Variants in FUZ observed in about 807,000 individuals in gnomAD.
FUZ encodes the protein fuzzy planar cell polarity protein.
A neutral mutation model predicts 43.1 loss-of-function variants in FUZ; 31 were observed. That is an observed-to-expected ratio of 0.72 (90% CI 0.54 to 0.97). The LOEUF is 0.97. FUZ is among the 50% of genes least tolerant of loss of function. The pLI is 0.00. For missense variants in FUZ, 539 were observed against 543.8 expected (o/e 0.99, Z 0.09); for synonymous variants, 274 against 250.0 (o/e 1.10, Z -0.91).
In FUZ at chr19:49,812,638, C is replaced by G; in HGVS notation, c.210G>C (p.Val70=). Residue 70 remains valine (V), a synonymous_variant, in exon 2 of 11, where the codon GTG becomes GTC. Coordinates refer to ENST00000313777, the MANE Select transcript of FUZ (RefSeq NM_025129.5). The part of the protein sequence containing the change: ...LSSARTENTT[V]VWKSFHDSIT... ...ACCTGTCATGGAAGCTTTTCCACAC[C>G]ACAGTCGTGTTCTCGGTCCTCGCAG... The G allele has an allele frequency of 6.2e-7, 1 of 1,614,152 alleles. No homozygotes were observed. Among genetic ancestry groups the G allele is most frequent in the Non-Finnish European group, 8.5e-7 (1 of 1,180,034 alleles).
rs2123802452 is a variant in FUZ at position 49,809,027 on chromosome 19, G to C, written c.786+136C>G. ...AGGCGGGAGCGGCCGATCTTGGCGG[G>C]TAGGTGAATGACTGGAGCGCAGTCC... On this transcript the variant is annotated intron_variant, in intron 7 of 10. Coordinates refer to ENST00000313777, the MANE Select transcript of FUZ (RefSeq NM_025129.5). The surrounding 1 kb of genome is among the most constrained non-coding windows in gnomAD (Gnocchi z 5.1). 1 of 964,056 alleles carries C rather than the reference G, an allele frequency of 1.0e-6. No individual in the cohort carries two copies. The highest frequency in any genetic ancestry group is 2.8e-4 in the Middle Eastern group (1 of 3,552). 59.7% of individuals were successfully genotyped at this position (964,056 alleles called of 1,614,324 possible).
At position 49,813,165 on chromosome 19, in the gene FUZ, G is replaced by T. The variant is rs1195379533; in HGVS notation, c.-59C>A. ...CTGTCAGTGCGGGTCTTGGAGCATGGCGGTAATCAGAGTAACTCGGCCTGT... is the reference window on the plus strand; with the variant it reads ...CTGTCAGTGCGGGTCTTGGAGCATGTCGGTAATCAGAGTAACTCGGCCTGT... On this transcript the variant is annotated 5_prime_UTR_variant, in exon 1 of 11. Transcript: ENST00000313777. 7.0e-7 allele frequency: 1 copy of T among 1,422,208 alleles called. No homozygotes were observed. The highest frequency in any genetic ancestry group is 2.5e-5 in the East Asian group (1 of 40,350). 88.1% of individuals were successfully genotyped at this position (1,422,208 alleles called of 1,614,324 possible). A position where few individuals can be genotyped will look rare whatever the true frequency, so the allele number is the denominator to read the frequency against.
intron 4 of FUZ, 49 bp from the exon 5 acceptor site, chr19:49,811,516 C>T: frequency 1.3e-6 from 2 of 1,592,858 alleles, no homozygotes. Flanking sequence ...GGCCCAGGGT[C>T]AGACAACCAA....
chr19:49,808,385 G>A (rs1189178327), intron 10 of FUZ, 29 bp downstream of exon 10: 4 of 1,599,058 alleles, frequency 2.5e-6, no homozygotes, highest in East Asian at 2.3e-5. Flanking sequence ...CCCCGCCTGC[G>A]CAGTGGGAGC....
In FUZ at chr19:49,808,433, G is replaced by A. The variant is rs2073525756; in HGVS notation, c.1014C>T (p.Thr338=). The change falls in exon 10 of 11, where the codon ACC becomes ACT. Residue 338 remains threonine, a synonymous_variant. Coordinates refer to ENST00000313777, the MANE Select transcript of FUZ (RefSeq NM_025129.5). ...RLLRNFYTLV[T]STHFPPEPGP... ...GCTGACCTGGTGGGAAGTGCGTGGAGGTGACCAGGGTATAGAAGTTTCGGA... is the reference window on the plus strand; with the variant it reads ...GCTGACCTGGTGGGAAGTGCGTGGAAGTGACCAGGGTATAGAAGTTTCGGA... The A allele has an allele frequency of 1.9e-6, 3 of 1,612,564 alleles. No individual in the cohort carries two copies. In the South Asian group the frequency reaches 3.3e-5, roughly 18 times the overall value.
Position 49,807,099 on chromosome 19 carries a change from C to CA in FUZ, c.*51dup, listed in dbSNP as rs1555795381. 3 of 1,353,320 alleles carry CA rather than the reference C, an allele frequency of 2.2e-6. No homozygotes were observed. Among genetic ancestry groups the CA allele is most frequent in the Non-Finnish European group, 2.9e-6 (3 of 1,020,222 alleles). The allele number at this position is 1,353,320 out of a possible 1,614,324, so 83.8% of individuals were successfully genotyped here. On this transcript the variant is annotated 3_prime_UTR_variant, in exon 11 of 11. Coordinates refer to ENST00000313777, the MANE Select transcript of FUZ (RefSeq NM_025129.5). ...CTGTGTATTATTGTGAGCGAATAAA[C>CA]AGAGAGACGCTAACAGCCCCATGTC...
At position 49,812,299 on chromosome 19, in the gene FUZ, G is replaced by C. The variant is rs758453229; in HGVS notation, c.270C>G (p.Ile90Met). The change falls in exon 3 of 11, where the codon ATC becomes ATG. Residue 90 changes from isoleucine to methionine, a missense_variant. Coordinates refer to ENST00000313777, the MANE Select transcript of FUZ (RefSeq NM_025129.5). ...GTAGTCTCTCCAGCCTCAGCTCAGA[G>C]ATGCCCACCTCAGATGACAGAACAA... ...TLIVLSSEVG[I>M]SELRLERLLQ... 6.2e-7 allele frequency: 1 copy of C among 1,614,102 alleles called. No individual in the cohort carries two copies. Among genetic ancestry groups the C allele is most frequent in the Non-Finnish European group, 8.5e-7 (1 of 1,179,986 alleles).
In FUZ at chr19:49,808,464, C is replaced by G. The variant is rs773367242; in HGVS notation, c.983G>C (p.Arg328Pro). The change falls in exon 10 of 11, where the codon CGC (arginine) becomes CCC (proline). Residue 328 changes from arginine (R) to proline (P), a missense_variant. Physicochemically the swap from Arg to Pro is moderately radical, Grantham distance 103. Coordinates refer to ENST00000313777, the MANE Select transcript of FUZ (RefSeq NM_025129.5). ...CAGGGTATAGAAGTTTCGGAGGAGG[C>G]GCCGGCGCTGTTCTGGTGAAGGCTC... is the stretch of plus-strand genomic sequence containing the variant. ...DKEPSPEQRR[R>P]LLRNFYTLVT... 5 of 1,612,206 alleles carry G rather than the reference C, an allele frequency of 3.1e-6. No homozygotes were observed. In the African/African-American group the frequency reaches 5.3e-5, roughly 17 times the overall value.
intron 7 of FUZ, 62 bp from the exon 8 acceptor site, chr19:49,808,885 G>C: frequency 7.6e-7 from 1 of 1,309,004 alleles, no homozygotes; most frequent in Non-Finnish European, 1.1e-6. Flanking sequence ...GGGGAGGTCG[G>C]GGGGTGTACA....
chr19:49,813,204 C>A lies in FUZ; in HGVS notation c.-98G>T. 9.1e-7 allele frequency: 1 copy of A among 1,097,644 alleles called. No homozygotes were observed. The highest frequency in any genetic ancestry group is 1.3e-5 in the South Asian group (1 of 75,084). The allele number at this position is 1,097,644 out of a possible 1,614,324, so 68.0% of individuals were successfully genotyped here. A position where few individuals can be genotyped will look rare whatever the true frequency, so the allele number is the denominator to read the frequency against. On this transcript the variant is annotated 5_prime_UTR_variant, in exon 1 of 11. Coordinates refer to ENST00000313777, the MANE Select transcript of FUZ (RefSeq NM_025129.5). ...AACTCGGCCTGTGGTCCGGAGCCGC[C>A]AGAGGGCGAGATGGGGAGCTGATTG...
rs751215918 is a variant in FUZ at position 49,809,647 on chromosome 19, G to A, written c.493-72C>T. On this transcript the variant is annotated intron_variant, in intron 5 of 10. Coordinates refer to ENST00000313777, the MANE Select transcript of FUZ (RefSeq NM_025129.5). The surrounding 1 kb of genome is among the most constrained non-coding windows in gnomAD (Gnocchi z 5.1). ...GGGGTGGCAGCGACTTCCCAGATGG[G>A]CAGGGAATGGGGAGAAACCCACAGC... 5 of 1,467,692 alleles carry A rather than the reference G, an allele frequency of 3.4e-6. No individual in the cohort carries two copies. Among genetic ancestry groups the A allele is most frequent in the Non-Finnish European group, 4.6e-6 (5 of 1,085,688 alleles). The allele number at this position is 1,467,692 out of a possible 1,614,324, so 90.9% of individuals were successfully genotyped here.
At position 49,812,864 on chromosome 19, in the gene FUZ, G is replaced by A. The variant is rs140450393; in HGVS notation, c.112-128C>T. 50 of 1,401,226 alleles carry A rather than the reference G, an allele frequency of 3.6e-5. No homozygotes were observed. In the African/African-American group the frequency reaches 6.6e-4, roughly 19 times the overall value. 86.8% of individuals were successfully genotyped at this position (1,401,226 alleles called of 1,614,324 possible). On this transcript the variant is annotated intron_variant, in intron 1 of 10. Coordinates refer to ENST00000313777, the MANE Select transcript of FUZ (RefSeq NM_025129.5). The stretch of plus-strand genomic sequence containing the variant: ...CTGGCAGTGCCTCTTTGGGGAACCA[G>A]GCTTATTGGTCCATTGCCTCCTCGG...
chr19:49,808,604 G>A lies in FUZ; in HGVS notation c.928C>T (p.Leu310Phe), dbSNP rs377221079. The change falls in exon 9 of 11, where the codon CTC becomes TTC. Residue 310 changes from leucine (L) to phenylalanine (F), a missense_variant. Coordinates refer to ENST00000313777, the MANE Select transcript of FUZ (RefSeq NM_025129.5). ...LLLHLELKRC[L>F]FTVEPLGDKE... ...TCCCCCAAGGGCTCCACGGTGAAGA[G>A]GCAGCGCTTCAGTTCCAGGTGGAGG... 1 of 1,613,210 alleles carries A rather than the reference G, an allele frequency of 6.2e-7. No individual in the cohort carries two copies. The highest frequency in any genetic ancestry group is 8.5e-7 in the Non-Finnish European group (1 of 1,179,678).
In FUZ at chr19:49,808,800, T is replaced by C. The variant is rs2073569978; in HGVS notation, c.810A>G (p.Pro270=). Residue 270 remains proline (P), a synonymous_variant, in exon 8 of 11, where the codon CCA becomes CCG. Transcript: ENST00000313777. ...YPQLLERWWQ[P]LLDPLRACLP... ...GACAGGCCCGCAACGGGTCCAGCAG[T>C]GGCTGCCACCAGCGCTCCAGAAGCT... 2 of 1,553,646 alleles carry C rather than the reference T, an allele frequency of 1.3e-6. No individual in the cohort carries two copies. Among genetic ancestry groups the C allele is most frequent in the East Asian group, 2.4e-5 (1 of 41,354 alleles).
chr19:49,813,395 C>T (rs1030248986), upstream of FUZ: 3 of 503,892 alleles, frequency 6.0e-6, no homozygotes, highest in Non-Finnish European at 1.1e-5. Flanking sequence ...TCTAGTTTCT[C>T]CGAGGAGGTA....
intron 1 of FUZ, 94 bp downstream of exon 1, chr19:49,812,902 A>G: frequency 5.9e-6 from 8 of 1,361,216 alleles, no homozygotes; most frequent in Non-Finnish European, 8.2e-6. Flanking sequence ...CTACAAATTC[A>G]ACACTGAAAC....
Position 49,808,820 on chromosome 19 carries a change from G to A in FUZ, c.790C>T (p.Leu264=), listed in dbSNP as rs1391205916. The A allele has an allele frequency of 1.3e-6, 2 of 1,548,074 alleles. No homozygotes were observed. The highest frequency in any genetic ancestry group is 1.7e-6 in the Non-Finnish European group (2 of 1,147,868). Residue 264 remains leucine, a synonymous_variant, in exon 8 of 11, where the codon CTG becomes TTG. Transcript: ENST00000313777. ...AGCAGTGGCTGCCACCAGCGCTCCA[G>A]AAGCTGCAGGGGGCGTGGTCATTGT... ...PPLSQLYPQL[L]ERWWQPLLDP... is the part of the protein sequence containing the mutation.
intron 10 of FUZ, 54 bp downstream of exon 10, chr19:49,808,360 C>T (rs2073515806): frequency 6.4e-7 from 1 of 1,561,104 alleles, no homozygotes. Context: ...TTTTGTGCGA[C>T]CTGGGACTCA....
chr19:49,811,546 G>GC, intron 4 of FUZ, 79 bp from the exon 5 acceptor site: 1 of 1,568,332 alleles, frequency 6.4e-7, no homozygotes, highest in Non-Finnish European at 8.8e-7. Context: ...GGACCAGGCT[G>GC]CCCCAGGGGC....
Sources: allele counts gnomAD v4.1 joint callset, GRCh38; gene constraint gnomAD v4.1.1; non-coding constraint Gnocchi (gnomAD v3.1); transcripts MANE v1.5; gene names NCBI Gene and HGNC (gene_info 2026-07-23, HGNC 2026-07-21).